CNTNAP2: variants seen among roughly 807,000 people sequenced by gnomAD.
The protein encoded by CNTNAP2 is contactin associated protein 2.
Under a neutral mutation model 155.2 loss-of-function variants are expected in CNTNAP2, and 98 were observed. The observed-to-expected ratio is 0.63, with a 90% CI of 0.54 to 0.75. CNTNAP2 has a LOEUF of 0.75. Ranked by LOEUF, CNTNAP2 falls within the 30% of genes least tolerant of loss-of-function variation. CNTNAP2 has a pLI of 0.00. For missense variants in CNTNAP2, 1,727 were observed against 1,688.1 expected, an observed-to-expected ratio of 1.02 and a Z score of -0.40; for synonymous variants, 651 against 631.2, an observed-to-expected ratio of 1.03 and a Z score of -0.47.
chr7:148,328,820 A>G (rs1055817820), intron 21 of CNTNAP2, among the ~76,000 whole-genome samples: 8 of 151,732 alleles, frequency 5.3e-5, no homozygotes, highest in African/African-American at 1.9e-4. Flanking sequence ...TACTAAAAAT[A>G]CAAAAATTAG....
rs1255922951 is a variant in CNTNAP2 at position 147,736,895 on chromosome 7, G to A, written c.2098+97589G>A. ...CATCAGGTCCTTTAAGGACTTCTCT[G>A]CATTGGTTATTCTAGTTAGCCGTTT... On this transcript the variant is annotated intron_variant, in intron 13 of 23. Coordinates refer to ENST00000361727, the MANE Select transcript of CNTNAP2 (RefSeq NM_014141.6). Among the ~76,000 whole-genome samples the A allele has an allele frequency of 3.3e-5, 5 of 152,260 alleles. No individual in the cohort carries two copies. The East Asian group carries it at 5.8e-4, about 18-fold the overall frequency.
chr7:146,688,341 C>T (rs1015043564), intron 1 of CNTNAP2, among the ~76,000 whole-genome samples: 8 of 152,098 alleles, frequency 5.3e-5, no homozygotes, highest in African/African-American at 1.9e-4. Flanking sequence ...TACTGTTATG[C>T]GCATCCATGT....
chr7:147,917,111 C>G, intron 14 of CNTNAP2, among the ~76,000 whole-genome samples: 1 of 152,226 alleles, frequency 6.6e-6, no homozygotes, highest in Non-Finnish European at 1.5e-5. Flanking sequence ...CCTTAAAACT[C>G]TCTTATCCTA....
intron 3 of CNTNAP2, among the ~76,000 whole-genome samples, chr7:146,944,552 GA>G (rs1584739106): frequency 6.6e-6 from 1 of 152,100 alleles, no homozygotes; most frequent in East Asian, 1.9e-4. Flanking sequence ...AAACTTGCAA[GA>G]TTATTAATGT....
At chr7:147,440,785 G>T (rs7803315) in intron 10 of CNTNAP2, among the ~76,000 whole-genome samples, 70,702 of 151,900 alleles carry the variant, frequency 0.47, 18,539 homozygotes, top group African/African-American at 0.73. Flanking sequence ...TATGTCATAC[G>T]ACTCTCTTCT....
intron 14 of CNTNAP2, among the ~76,000 whole-genome samples, chr7:147,962,995 G>A (rs1042183613): frequency 2.0e-5 from 3 of 151,986 alleles, no homozygotes; most frequent in Admixed American, 1.3e-4. Context: ...GATATACCAT[G>A]GTTAATTCAC....
intron 10 of CNTNAP2, among the ~76,000 whole-genome samples, chr7:147,398,167 A>G (rs1301305606): frequency 3.3e-5 from 5 of 152,100 alleles, no homozygotes; most frequent in African/African-American, 9.7e-5. Flanking sequence ...CTTTCCAGGT[A>G]AAAGTACCAG....
chr7:148,206,764 GC>G (rs1264296388), intron 18 of CNTNAP2, among the ~76,000 whole-genome samples: 1 of 152,290 alleles, frequency 6.6e-6, no homozygotes, highest in Non-Finnish European at 1.5e-5. Context: ...AAGCCTGGAG[GC>G]CTGTTTCCCA....
intron 13 of CNTNAP2, among the ~76,000 whole-genome samples, chr7:147,715,992 A>G (rs1796476819): frequency 6.6e-6 from 1 of 152,114 alleles, no homozygotes; most frequent in Admixed American, 6.5e-5. Flanking sequence ...CTTTTGCTCT[A>G]TTTAAGAAAA....
At chr7:147,357,054 C>T (rs1038869079) in intron 9 of CNTNAP2, among the ~76,000 whole-genome samples, 1 of 152,112 alleles carries the variant, frequency 6.6e-6, no homozygotes, top group African/African-American at 2.4e-5. Context: ...ACATAGTCAT[C>T]AAAACCTGCT....
intron 11 of CNTNAP2, among the ~76,000 whole-genome samples, chr7:147,536,260 C>T (rs1239068380): frequency 6.6e-6 from 1 of 152,234 alleles, no homozygotes; most frequent in Non-Finnish European, 1.5e-5. Flanking sequence ...TTCATTTACT[C>T]ATTCAACAAA....
intron 21 of CNTNAP2, among the ~76,000 whole-genome samples, chr7:148,272,361 T>A (rs1019405843): frequency 6.6e-6 from 1 of 152,136 alleles, no homozygotes; most frequent in Non-Finnish European, 1.5e-5. Flanking sequence ...AGCAACAAAT[T>A]TAATGGTCTC....
chr7:148,391,351 A>AC (rs1799344058), intron 22 of CNTNAP2, among the ~76,000 whole-genome samples: 1 of 138,268 alleles, frequency 7.2e-6, no homozygotes, highest in South Asian at 2.2e-4. Context: ...GAGAAAGATC[A>AC]CCCCAAGCGC....
intron 21 of CNTNAP2, among the ~76,000 whole-genome samples, chr7:148,313,489 A>G (rs1291559250): frequency 2.0e-5 from 3 of 152,080 alleles, no homozygotes; most frequent in Admixed American, 1.3e-4. Context: ...TCCTTGGCCC[A>G]GTGGCCAGAT....
At chr7:147,150,319 G>T (rs931435702) in intron 8 of CNTNAP2, among the ~76,000 whole-genome samples, 1 of 152,130 alleles carries the variant, frequency 6.6e-6, no homozygotes, top group Admixed American at 6.5e-5. Context: ...AAAAGACAGA[G>T]AATGGGCAAT....
In CNTNAP2 at chr7:147,995,920, G is replaced by A. The variant is rs569070689; in HGVS notation, c.2383+17931G>A. On this transcript the variant is annotated intron_variant, in intron 15 of 23. Coordinates refer to ENST00000361727, the MANE Select transcript of CNTNAP2 (RefSeq NM_014141.6). ...GCAGTTTCTGCTGCATCCATTCCCCGGGCAGCACCAGCTACATAATTTGCA... is the reference window on the plus strand; with the variant it reads ...GCAGTTTCTGCTGCATCCATTCCCCAGGCAGCACCAGCTACATAATTTGCA... Among the ~76,000 whole-genome samples the A allele has an allele frequency of 7.2e-5, 11 of 152,234 alleles. 1 individual carries two copies. The highest frequency in any genetic ancestry group is 6.2e-4 in the South Asian group (3 of 4,818).
intron 8 of CNTNAP2, among the ~76,000 whole-genome samples, chr7:147,282,540 A>G (rs532553891): frequency 6.6e-6 from 1 of 151,852 alleles, no homozygotes; most frequent in African/African-American, 2.4e-5. Context: ...AGTCTAAGGC[A>G]TACAGAGATG....
At chr7:146,635,417 G>A (rs1799580437) in intron 1 of CNTNAP2, among the ~76,000 whole-genome samples, 1 of 152,178 alleles carries the variant, frequency 6.6e-6, no homozygotes, top group Non-Finnish European at 1.5e-5. Flanking sequence ...TGAAGTGTCA[G>A]GGGCTGTCAT....
chr7:147,616,993 C>CAACCTATG (rs1801305763), intron 12 of CNTNAP2, among the ~76,000 whole-genome samples: 1 of 152,168 alleles, frequency 6.6e-6, no homozygotes, highest in Admixed American at 6.6e-5. Context: ...CTAGACCTTT[C>CAACCTATG]AACCTATGCT....
Sources: allele counts gnomAD v4.1 joint callset (sites outside exome capture counted in the v4.1 genomes callset), GRCh38; gene constraint gnomAD v4.1.1; transcripts MANE v1.5; gene names NCBI Gene and HGNC (gene_info 2026-07-23, HGNC 2026-07-21).